The following LDAF1 variants were observed in gnomAD, a reference collection of about 807,000 sequenced individuals.
The protein encoded by LDAF1 is lipid droplet assembly factor 1.
LDAF1 carries 7 observed loss-of-function variants against 13.5 expected under a neutral mutation model. The ratio of observed to expected loss-of-function variants is 0.52; its 90% CI spans 0.29 to 0.97. The LOEUF is 0.97. Ranked by LOEUF, LDAF1 falls within the 50% of genes least tolerant of loss-of-function variation. The probability of loss-of-function intolerance (pLI) is 0.07; values close to 1 mark genes in which losing one functional copy is unlikely to be tolerated. For synonymous variants in LDAF1, 69 were observed against 77.1 expected (o/e 0.89, Z 0.55); for missense variants, 148 against 193.2 (o/e 0.77, Z 1.39).
chr16:21,172,737 C>G (rs1469775249), intron 3 of LDAF1: 1 of 571,978 alleles, frequency 1.7e-6, no homozygotes, highest in Admixed American at 6.3e-5. Context: ...TCACGAGCTT[C>G]CTTGATGCAC....
At chr16:21,162,536 C>A (rs554799496) in intron 2 of LDAF1, among the ~76,000 whole-genome samples, 9 of 152,220 alleles carry the variant, frequency 5.9e-5, no homozygotes, top group African/African-American at 1.9e-4. Context: ...TTTTTCTATG[C>A]AATATACCTA....
chr16:21,165,125 T>G (rs2093011175), intron 2 of LDAF1, among the ~76,000 whole-genome samples: 1 of 152,162 alleles, frequency 6.6e-6, no homozygotes, highest in Admixed American at 6.5e-5. Context: ...TCTTTGCATA[T>G]CTAAATGACT....
At chr16:21,169,317 C>T (rs1567906877) in intron 2 of LDAF1, 2 of 234,510 alleles carry the variant, frequency 8.5e-6, no homozygotes, top group Non-Finnish European at 1.4e-5. Context: ...TTTTTTTCCC[C>T]TTTTTCTGGA....
chr16:21,173,892 ATCT>A (rs1406311773), intron 3 of LDAF1, 115 bp from the exon 4 acceptor site: 8 of 1,117,972 alleles, frequency 7.2e-6, no homozygotes, highest in African/African-American at 3.2e-5. Flanking sequence ...TTTGTGGGAA[ATCT>A]TCTTACTTTA....
At chr16:21,159,635 C>G (rs2152840406) in intron 1 of LDAF1, among the ~76,000 whole-genome samples, 1 of 152,352 alleles carries the variant, frequency 6.6e-6, no homozygotes, top group South Asian at 2.1e-4. Flanking sequence ...GCCGGGTTCT[C>G]GCTTTCCCTT....
intron 4 of LDAF1, among the ~76,000 whole-genome samples, chr16:21,177,962 A>C (rs1320399557): frequency 1.3e-5 from 2 of 152,162 alleles, no homozygotes; most frequent in African/African-American, 4.8e-5. Flanking sequence ...TAACTCCCTC[A>C]TTAAATGATC....
At chr16:21,159,998 GT>G in intron 1 of LDAF1, 2 of 983,978 alleles carry the variant, frequency 2.0e-6, no homozygotes, top group East Asian at 1.1e-4. Context: ...AGGGTTTCTT[GT>G]TTTACAAAAG....
Position 21,159,542 on chromosome 16 carries a change from A to C in LDAF1, c.-99+796A>C, listed in dbSNP as rs2092942528. 2.6e-5 allele frequency: 29 copies of C among 1,122,424 alleles called. No individual in the cohort carries two copies. The South Asian group carries it at 3.5e-4, about 14-fold the overall frequency. The allele number at this position is 1,122,424 out of a possible 1,614,324, so 69.5% of individuals were successfully genotyped here. A position where few individuals can be genotyped will look rare whatever the true frequency, so the allele number is the denominator to read the frequency against. Reference sequence around the variant, plus strand: ...TGGGAGGGCCAGGAGATTTATTTGGAGCCTTGGAAGGGGAAAGGGTTAGCT... The same window carrying C: ...TGGGAGGGCCAGGAGATTTATTTGGCGCCTTGGAAGGGGAAAGGGTTAGCT... On this transcript the variant is annotated intron_variant, in intron 1 of 4. Coordinates refer to ENST00000233047, the MANE Select transcript of LDAF1 (RefSeq NM_001301771.2).
At chr16:21,173,403 C>T (rs1161148128) in intron 3 of LDAF1, 1 of 152,322 alleles carries the variant, frequency 6.6e-6, no homozygotes, top group Non-Finnish European at 1.5e-5. Flanking sequence ...TCTCAAACTC[C>T]AGCACTTATG....
intron 3 of LDAF1, among the ~76,000 whole-genome samples, chr16:21,172,385 G>T (rs1166557361): frequency 6.6e-6 from 1 of 152,110 alleles, no homozygotes; most frequent in Non-Finnish European, 1.5e-5. Flanking sequence ...GGTGGAGGTT[G>T]CAGTGAGCCA....
In LDAF1 at chr16:21,161,157, C is replaced by A. The variant is rs1294457249; in HGVS notation, c.-26C>A. 6.2e-7 allele frequency: 1 copy of A among 1,613,382 alleles called. No individual in the cohort carries two copies. The highest frequency in any genetic ancestry group is 8.5e-7 in the Non-Finnish European group (1 of 1,179,856). On this transcript the variant is annotated 5_prime_UTR_variant, in exon 2 of 5. Coordinates refer to ENST00000233047, the MANE Select transcript of LDAF1 (RefSeq NM_001301771.2). Reference sequence around the variant, plus strand: ...AATTTACTGGTAGGATAATTCATCCCTAAAGAGATTGAAGTGAGCTTCAGA... The same window carrying A: ...AATTTACTGGTAGGATAATTCATCCATAAAGAGATTGAAGTGAGCTTCAGA...
chr16:21,159,504 G>T, intron 1 of LDAF1: 1 of 1,482,466 alleles, frequency 6.7e-7, no homozygotes, highest in Non-Finnish European at 9.4e-7. Context: ...GTTTTCCCCT[G>T]GAGGTTCGGG....
intron 1 of LDAF1, chr16:21,159,354 G>C: frequency 2.5e-6 from 4 of 1,614,060 alleles, no homozygotes; most frequent in Non-Finnish European, 3.4e-6. Flanking sequence ...TCCTCTCCTT[G>C]GGTCTCCCTG....
At chr16:21,172,872 C>T in intron 3 of LDAF1, 1 of 984,426 alleles carries the variant, frequency 1.0e-6, no homozygotes, top group Non-Finnish European at 1.2e-6. Context: ...CAGGGTCCCT[C>T]CCTGAAACCA....
chr16:21,162,196 C>T (rs764040627), intron 2 of LDAF1, among the ~76,000 whole-genome samples: 2 of 152,106 alleles, frequency 1.3e-5, no homozygotes, highest in Non-Finnish European at 1.5e-5. Context: ...TTTATTCAAC[C>T]TAAGATATCA....
At chr16:21,179,136 T>C (rs1380797967) in intron 4 of LDAF1, among the ~76,000 whole-genome samples, 1 of 152,188 alleles carries the variant, frequency 6.6e-6, no homozygotes, top group East Asian at 1.9e-4. Context: ...GCTTGACTTC[T>C]CTGATTTCAG....
chr16:21,175,166 T>C (rs1258725177), intron 4 of LDAF1, among the ~76,000 whole-genome samples: 1 of 152,238 alleles, frequency 6.6e-6, no homozygotes, highest in Non-Finnish European at 1.5e-5. Context: ...GTGTTGATTT[T>C]AGAATCTAAG....
chr16:21,179,352 G>C (rs1242785565), intron 4 of LDAF1, 123 bp from the exon 5 acceptor site: 20 of 1,578,168 alleles, frequency 1.3e-5, no homozygotes, highest in Non-Finnish European at 1.3e-5. Context: ...CATAGGCCTG[G>C]TGTGGTTGCA....
At chr16:21,174,378 GT>G (rs1165369574) in intron 4 of LDAF1, among the ~76,000 whole-genome samples, 1 of 151,762 alleles carries the variant, frequency 6.6e-6, no homozygotes, top group East Asian at 1.9e-4. Flanking sequence ...TTTATTTTTT[GT>G]AGAGACAGGG....
Sources: allele counts gnomAD v4.1 joint callset (sites outside exome capture counted in the v4.1 genomes callset), GRCh38; gene constraint gnomAD v4.1.1; transcripts MANE v1.5; gene names NCBI Gene and HGNC (gene_info 2026-07-23, HGNC 2026-07-21).